PAK1: variants seen among roughly 807,000 people sequenced by gnomAD.
PAK1 encodes serine/threonine-protein kinase PAK 1.
A neutral mutation model predicts 67.4 loss-of-function variants in PAK1; 29 were observed. That is an observed-to-expected ratio of 0.43 (90% confidence interval 0.32 to 0.59). The LOEUF (loss-of-function observed/expected upper bound fraction) is 0.59. PAK1 is among the 20% of genes least tolerant of loss of function. The probability of loss-of-function intolerance (pLI) is 0.07; values close to 1 mark genes in which losing one functional copy is unlikely to be tolerated. For missense variants in PAK1, 337 were observed against 670.7 expected, an observed-to-expected ratio of 0.50 and a Z score of 5.50; for synonymous variants, 223 against 237.4, an observed-to-expected ratio of 0.94 and a Z score of 0.56.
intron 5 of PAK1, among the ~76,000 whole-genome samples, chr11:77,362,784 A>G (rs1344360005): frequency 2.0e-5 from 3 of 151,640 alleles, no homozygotes; most frequent in Admixed American, 2.0e-4. Flanking sequence ...GTCTTATCCA[A>G]TAGTAGTATA....
intron 6 of PAK1, among the ~76,000 whole-genome samples, chr11:77,357,946 G>A (rs905705783): frequency 2.0e-5 from 3 of 152,124 alleles, no homozygotes; most frequent in African/African-American, 7.2e-5. Context: ...AACCATATCA[G>A]TGTTAACGAC....
At chr11:77,337,822 G>A (rs973584301) in intron 11 of PAK1, among the ~76,000 whole-genome samples, 1 of 152,150 alleles carries the variant, frequency 6.6e-6, no homozygotes, top group Admixed American at 6.5e-5. Flanking sequence ...GCAGACATAT[G>A]GAAGTGATAC....
At chr11:77,414,034 A>G (rs1048250616) in intron 1 of PAK1, among the ~76,000 whole-genome samples, 1 of 152,210 alleles carries the variant, frequency 6.6e-6, no homozygotes, top group Non-Finnish European at 1.5e-5. Context: ...CTCACTTTCC[A>G]CCAGCACTAT....
intron 5 of PAK1, among the ~76,000 whole-genome samples, chr11:77,359,812 G>A (rs1946538241): frequency 6.6e-6 from 1 of 152,080 alleles, no homozygotes; most frequent in Non-Finnish European, 1.5e-5. Flanking sequence ...AGAATTAAGA[G>A]ACAAAATGCC....
At chr11:77,362,617 A>C (rs373810083) in intron 5 of PAK1, among the ~76,000 whole-genome samples, 4 of 152,230 alleles carry the variant, frequency 2.6e-5, no homozygotes, top group Admixed American at 1.3e-4. Context: ...TCAGTTATGA[A>C]ATACAGCCTG....
At chr11:77,413,083 T>TA (rs1233121587) in intron 1 of PAK1, among the ~76,000 whole-genome samples, 1 of 152,206 alleles carries the variant, frequency 6.6e-6, no homozygotes. Flanking sequence ...ACCCTGCTCT[T>TA]AAGAGACATG....
chr11:77,396,400 T>G (rs1384793474), intron 1 of PAK1, among the ~76,000 whole-genome samples: 1 of 152,218 alleles, frequency 6.6e-6, no homozygotes, highest in Non-Finnish European at 1.5e-5. Flanking sequence ...TTGCAATAAT[T>G]TGTTTACACA....
chr11:77,363,964 G>A (rs999320902), intron 5 of PAK1, among the ~76,000 whole-genome samples: 47 of 152,232 alleles, frequency 3.1e-4, no homozygotes, highest in African/African-American at 9.9e-4. Context: ...GGGTATAACT[G>A]CATAGTCCAA....
At chr11:77,353,242 G>A in intron 8 of PAK1, 2 of 311,112 alleles carry the variant, frequency 6.4e-6, no homozygotes, top group East Asian at 1.2e-4. Context: ...GGTTCATCCG[G>A]AAAAGCAGAG....
chr11:77,469,839 T>C (rs918763482), intron 1 of PAK1, among the ~76,000 whole-genome samples: 51 of 152,208 alleles, frequency 3.4e-4, no homozygotes, highest in African/African-American at 9.9e-4. Flanking sequence ...TTTTAGTTGA[T>C]ATGTAATAAT....
At chr11:77,349,810 GT>G (rs1944983174) in intron 8 of PAK1, among the ~76,000 whole-genome samples, 1 of 151,926 alleles carries the variant, frequency 6.6e-6, no homozygotes, top group Non-Finnish European at 1.5e-5. Context: ...AACTGGGGGG[GT>G]GACAGGTGGG....
chr11:77,370,686 G>T (rs1441770514), intron 5 of PAK1, among the ~76,000 whole-genome samples: 1 of 152,126 alleles, frequency 6.6e-6, no homozygotes, highest in Non-Finnish European at 1.5e-5. Context: ...TTTATGTCAT[G>T]CTTTTGTTTC....
chr11:77,344,334 G>A (rs972242573), intron 9 of PAK1, among the ~76,000 whole-genome samples: 2 of 152,104 alleles, frequency 1.3e-5, no homozygotes, highest in Non-Finnish European at 2.9e-5. Context: ...CATAAAATAC[G>A]GCAAAAGCCA....
In PAK1 at chr11:77,434,953, G is replaced by A. The variant is rs182079779; in HGVS notation, c.-22+38599C>T. ...TTTGAATTTTTTTTTTGTAGAGACA[G>A]GGTTTCCCTATGTTGCCCAGTCTAG... On this transcript the variant is annotated intron_variant, in intron 1 of 14. Coordinates refer to ENST00000356341, the MANE Select transcript of PAK1 (RefSeq NM_002576.5). Among the ~76,000 whole-genome samples the A allele has an allele frequency of 7.9e-5, 12 of 151,662 alleles. No individual in the cohort carries two copies. In the East Asian group the frequency reaches 2.3e-3, roughly 29 times the overall value.
the PAK1 span, among the ~76,000 whole-genome samples, chr11:77,521,135 T>C: frequency 6.6e-6 from 1 of 152,204 alleles, no homozygotes; most frequent in Non-Finnish European, 1.5e-5. Flanking sequence ...CATGCTCACT[T>C]GTGCTGTGCC....
chr11:77,463,242 C>T (rs1175944877), intron 1 of PAK1, among the ~76,000 whole-genome samples: 1 of 151,778 alleles, frequency 6.6e-6, no homozygotes, highest in African/African-American at 2.4e-5. Context: ...CAAAATAAGA[C>T]AGGTTAATGA....
intron 1 of PAK1, among the ~76,000 whole-genome samples, chr11:77,460,172 AG>A (rs397776664): frequency 3.3e-5 from 5 of 149,822 alleles, no homozygotes; most frequent in African/African-American, 1.2e-4. Flanking sequence ...AAAAAAAAAA[AG>A]GGATGAAAAG....
At chr11:77,417,738 C>CTTTT (rs67257981) in intron 1 of PAK1, among the ~76,000 whole-genome samples, 1 of 144,538 alleles carries the variant, frequency 6.9e-6, no homozygotes, top group Non-Finnish European at 1.5e-5. Context: ...TTTTTCTTTT[C>CTTTT]TTTTTTTTTT....
chr11:77,367,363 C>T (rs544574113), intron 5 of PAK1, among the ~76,000 whole-genome samples: 49 of 152,178 alleles, frequency 3.2e-4, no homozygotes, highest in African/African-American at 1.1e-3. Flanking sequence ...CAAGGAAAAC[C>T]TCTAACATAA....
Sources: allele counts gnomAD v4.1 joint callset (sites outside exome capture counted in the v4.1 genomes callset), GRCh38; gene constraint gnomAD v4.1.1; transcripts MANE v1.5; gene names NCBI Gene and HGNC (gene_info 2026-07-23, HGNC 2026-07-21).